Variants in ELAVL2 observed in about 807,000 individuals in gnomAD.
The protein encoded by ELAVL2 is ELAV-like protein 2.
ELAVL2 carries 4 observed loss-of-function variants against 34.6 expected under a neutral mutation model. That is an observed-to-expected ratio of 0.12 (90% CI 0.06 to 0.26). The LOEUF (loss-of-function observed/expected upper bound fraction) is 0.26. Ranked by LOEUF, ELAVL2 falls within the 10% of genes least tolerant of loss-of-function variation. The probability of loss-of-function intolerance (pLI) is 1.00; values close to 1 mark genes in which losing one functional copy is unlikely to be tolerated. For missense variants in ELAVL2, 432 were observed against 442.8 expected, an observed-to-expected ratio of 0.98 and a Z score of 0.22; for synonymous variants, 193 against 154.8, an observed-to-expected ratio of 1.25 and a Z score of -1.83.
At chr9:23,760,257 T>C (rs542421632) in intron 2 of ELAVL2, among the ~76,000 whole-genome samples, 3 of 152,102 alleles carry the variant, frequency 2.0e-5, no homozygotes, top group African/African-American at 7.2e-5. Flanking sequence ...TTGTCTAATA[T>C]TTTCATCTTA....
At chr9:23,753,905 TTG>T (rs1360978522) in intron 2 of ELAVL2, among the ~76,000 whole-genome samples, 2 of 152,196 alleles carry the variant, frequency 1.3e-5, no homozygotes, top group African/African-American at 2.4e-5. Context: ...TTTACAAAGT[TTG>T]TGTTTTCTAT....
At chr9:23,822,981 CA>C (rs1313803206) in intron 1 of ELAVL2, among the ~76,000 whole-genome samples, 4 of 152,162 alleles carry the variant, frequency 2.6e-5, no homozygotes, top group African/African-American at 9.6e-5. Context: ...GTGGGAGAGG[CA>C]AATTTGCCCT....
At chr9:23,730,616 T>C (rs2046294013) in intron 3 of ELAVL2, among the ~76,000 whole-genome samples, 1 of 152,188 alleles carries the variant, frequency 6.6e-6, no homozygotes, top group Non-Finnish European at 1.5e-5. Context: ...CTATTACTGC[T>C]TTCATACTAT....
In ELAVL2 at chr9:23,821,768, C is replaced by CGCGCCGCGCCGCGCCGGCAACCGCCCT; in HGVS notation, c.-16+4037_-16+4038insAGGGCGGTTGCCGGCGCGGCGCGGCGC. Reference sequence around the variant, plus strand: ...AACCCCCGCCCCACCCGCGCCGCGCCGCGCCGCGCCGGCAACCGCCCTCCT... The same window carrying CGCGCCGCGCCGCGCCGGCAACCGCCCT: ...AACCCCCGCCCCACCCGCGCCGCGCCGCGCCGCGCCGCGCCGGCAACCGCCCTGCGCCGCGCCGGCAACCGCCCTCCT... On this transcript the variant is annotated intron_variant, in intron 1 of 6. Transcript: ENST00000397312. The CGCGCCGCGCCGCGCCGGCAACCGCCCT allele has an allele frequency of 2.6e-5, 4 of 151,606 alleles. 1 individual carries two copies. Among genetic ancestry groups the CGCGCCGCGCCGCGCCGGCAACCGCCCT allele is most frequent in the Admixed American group, 2.6e-4 (4 of 15,222 alleles). 9.4% of individuals were successfully genotyped at this position (151,606 alleles called of 1,614,324 possible). A position where few individuals can be genotyped will look rare whatever the true frequency, so the allele number is the denominator to read the frequency against.
intron 1 of ELAVL2, among the ~76,000 whole-genome samples, chr9:23,787,059 A>G (rs570212231): frequency 9.2e-5 from 14 of 152,294 alleles, no homozygotes; most frequent in African/African-American, 2.6e-4. Context: ...GAATTCAAAC[A>G]TGAGGAAAGG....
chr9:23,692,957 TATACCTTTTCC>T, intron 6 of ELAVL2, 73 bp from the exon 7 acceptor site: 1 of 1,382,842 alleles, frequency 7.2e-7, no homozygotes, highest in Non-Finnish European at 9.8e-7. Context: ...GCAATGAACG[TATACCTTTTCC>T]ATCCCCAAGA....
intron 5 of ELAVL2, among the ~76,000 whole-genome samples, chr9:23,698,714 C>T (rs1273965972): frequency 1.3e-5 from 2 of 152,090 alleles, no homozygotes; most frequent in African/African-American, 4.8e-5. Flanking sequence ...AACAAGCAAG[C>T]CCTTAATTCA....
chr9:23,730,041 G>A (rs1167791787), intron 3 of ELAVL2, among the ~76,000 whole-genome samples: 1 of 152,076 alleles, frequency 6.6e-6, no homozygotes, highest in African/African-American at 2.4e-5. Flanking sequence ...GATAGAAGTT[G>A]TCTGGAACAC....
the ELAVL2 span, among the ~76,000 whole-genome samples, chr9:23,833,520 T>G: frequency 1.3e-5 from 2 of 151,878 alleles, no homozygotes; most frequent in African/African-American, 4.8e-5. Context: ...TTTTATAAAT[T>G]TAAATTATAG....
At chr9:23,733,748 C>T (rs2047166362) in intron 2 of ELAVL2, among the ~76,000 whole-genome samples, 1 of 152,154 alleles carries the variant, frequency 6.6e-6, no homozygotes, top group African/African-American at 2.4e-5. Flanking sequence ...TACTCCTGGC[C>T]TGCTGTAGGC....
chr9:23,693,408 G>T (rs763955294), intron 6 of ELAVL2, 40 bp downstream of exon 6: 2 of 1,612,108 alleles, frequency 1.2e-6, no homozygotes, highest in Non-Finnish European at 1.7e-6. Context: ...CCAATCAACT[G>T]TGGAAAGGGA....
In ELAVL2 at chr9:23,759,746, ATATAGTAT is replaced by A. The variant is rs1217234609; in HGVS notation, c.229+2252_229+2259del. On this transcript the variant is annotated intron_variant, in intron 2 of 6. Coordinates refer to ENST00000397312, the MANE Select transcript of ELAVL2 (RefSeq NM_004432.5). Reference sequence around the variant, plus strand: ...CGTAATATATATGTGTATACATCATATATAGTATTATATATATATATATATATATATAT... The same window carrying A: ...CGTAATATATATGTGTATACATCATATATATATATATATATATATATATAT... Among the ~76,000 whole-genome samples, 36 of 98,920 alleles carry A rather than the reference ATATAGTAT, an allele frequency of 3.6e-4. 1 individual carries two copies. Among genetic ancestry groups the A allele is most frequent in the African/African-American group, 1.6e-3 (34 of 20,706 alleles). 64.9% of individuals were successfully genotyped at this position (98,920 alleles called of 152,430 possible). A position where few individuals can be genotyped will look rare whatever the true frequency, so the allele number is the denominator to read the frequency against.
chr9:23,785,363 C>T (rs867122450), intron 1 of ELAVL2, among the ~76,000 whole-genome samples: 1 of 152,024 alleles, frequency 6.6e-6, no homozygotes, highest in African/African-American at 2.4e-5. Context: ...AAGTAAGAGC[C>T]CACACATAGA....
chr9:23,783,659 C>A (rs2059347153), intron 1 of ELAVL2, among the ~76,000 whole-genome samples: 1 of 152,136 alleles, frequency 6.6e-6, no homozygotes, highest in South Asian at 2.1e-4. Context: ...GGGCACTGTG[C>A]TGGATAACCA....
intron 1 of ELAVL2, among the ~76,000 whole-genome samples, chr9:23,818,062 A>G (rs923828946): frequency 2.0e-5 from 3 of 152,304 alleles, no homozygotes; most frequent in Middle Eastern, 3.4e-3. Flanking sequence ...GAACATACAA[A>G]AGTGTGGATT....
At chr9:23,788,702 G>C (rs532852736) in intron 1 of ELAVL2, among the ~76,000 whole-genome samples, 1 of 152,222 alleles carries the variant, frequency 6.6e-6, no homozygotes, top group South Asian at 2.1e-4. Flanking sequence ...CACTACTCTT[G>C]TGCTTTGGGG....
chr9:23,762,383 T>C (rs2136033839), intron 1 of ELAVL2, 134 bp from the exon 2 acceptor site: 1 of 1,144,610 alleles, frequency 8.7e-7, no homozygotes, highest in Non-Finnish European at 1.2e-6. Flanking sequence ...CAACAAAAAG[T>C]GTAATACCTA....
intron 1 of ELAVL2, among the ~76,000 whole-genome samples, chr9:23,782,134 A>G (rs1419401152): frequency 6.6e-6 from 1 of 152,290 alleles, no homozygotes; most frequent in South Asian, 2.1e-4. Context: ...AAGTTTCTTT[A>G]ACATAAAAAT....
chr9:23,783,725 G>A (rs2136928972), intron 1 of ELAVL2, among the ~76,000 whole-genome samples: 1 of 152,234 alleles, frequency 6.6e-6, no homozygotes, highest in East Asian at 1.9e-4. Flanking sequence ...GGGAACACAT[G>A]CAGAACCACA....
Sources: gnomAD v4.1 joint callset for allele counts (sites outside exome capture counted in the v4.1 genomes callset) on GRCh38, gnomAD v4.1.1 for gene constraint, MANE v1.5 for transcripts, NCBI Gene and HGNC (gene_info 2026-07-23, HGNC 2026-07-21) for gene names.